Variants in POU6F2 observed in about 807,000 individuals in gnomAD.
POU6F2 encodes POU domain, class 6, transcription factor 2.
A neutral mutation model predicts 71.3 loss-of-function variants in POU6F2; 31 were observed. The observed-to-expected ratio is 0.43, with a 90% CI of 0.33 to 0.59. The LOEUF is 0.59. POU6F2 is among the 20% of genes least tolerant of loss of function. The probability of loss-of-function intolerance (pLI) is 0.04; values close to 1 mark genes in which losing one functional copy is unlikely to be tolerated. For synonymous variants in POU6F2, 347 were observed against 355.7 expected (o/e 0.98, Z 0.27); for missense variants, 783 against 856.8 (o/e 0.91, Z 1.07).
intron 5 of POU6F2, among the ~76,000 whole-genome samples, chr7:39,404,419 A>G (rs1233467453): frequency 6.6e-6 from 1 of 152,254 alleles, no homozygotes; most frequent in Admixed American, 6.5e-5. Context: ...TTTTTGATCA[A>G]CATAGATGTT....
intron 1 of POU6F2, among the ~76,000 whole-genome samples, chr7:39,005,963 T>A (rs943318024): frequency 6.6e-6 from 1 of 152,138 alleles, no homozygotes; most frequent in Non-Finnish European, 1.5e-5. Context: ...CAGGATAATA[T>A]TTAATTGTAG....
At chr7:39,269,872 C>T (rs1246610620) in intron 4 of POU6F2, among the ~76,000 whole-genome samples, 3 of 152,106 alleles carry the variant, frequency 2.0e-5, no homozygotes, top group Admixed American at 2.0e-4. Context: ...GAAGACCATC[C>T]AAGATAAAGT....
At chr7:39,003,759 AAAGAAGGGAGTGATT>A (rs1788981190) in intron 1 of POU6F2, among the ~76,000 whole-genome samples, 1 of 152,078 alleles carries the variant, frequency 6.6e-6, no homozygotes, top group African/African-American at 2.4e-5. Flanking sequence ...AAAAAAAAAA[AAAGAAGGGAGTGATT>A]AAGCATATTA....
rs563696778 is a variant in POU6F2 at position 39,437,555 on chromosome 7, AT to A, written c.1320+4279del. On this transcript the variant is annotated intron_variant, in intron 7 of 9. Transcript: ENST00000518318. ...AGCTAGTGGTCTACCTATTTTGTTA[AT>A]TTTTTTCAAAAAACCAGCTCCTGGA... Among the ~76,000 whole-genome samples, 9 of 151,230 alleles carry A rather than the reference AT, an allele frequency of 6.0e-5. No individual in the cohort carries two copies. The East Asian group carries it at 1.6e-3, about 26-fold the overall frequency.
intron 2 of POU6F2, among the ~76,000 whole-genome samples, chr7:39,144,333 G>A (rs947868470): frequency 3.3e-5 from 5 of 152,092 alleles, no homozygotes; most frequent in African/African-American, 4.8e-5. Flanking sequence ...TTGCATAATT[G>A]GTTCTGAAGA....
chr7:38,987,109 CAGA>C (rs1419456576), intron 1 of POU6F2, among the ~76,000 whole-genome samples: 13 of 152,058 alleles, frequency 8.5e-5, no homozygotes, highest in African/African-American at 3.1e-4. Context: ...TTTGTTTGAG[CAGA>C]AGAACTCATA....
intron 1 of POU6F2, among the ~76,000 whole-genome samples, chr7:38,981,454 G>A (rs1788314065): frequency 6.6e-6 from 1 of 152,176 alleles, no homozygotes; most frequent in Admixed American, 6.5e-5. Flanking sequence ...GAGGGTCCCT[G>A]TTGGCTTCAC....
At chr7:39,308,464 G>T (rs1455636537) in intron 4 of POU6F2, among the ~76,000 whole-genome samples, 2 of 152,186 alleles carry the variant, frequency 1.3e-5, no homozygotes, top group Non-Finnish European at 2.9e-5. Context: ...TGGTAAAAAG[G>T]AGATTGTCAG....
At chr7:39,423,985 A>G (rs1787911314) in intron 6 of POU6F2, among the ~76,000 whole-genome samples, 1 of 152,212 alleles carries the variant, frequency 6.6e-6, no homozygotes, top group African/African-American at 2.4e-5. Flanking sequence ...AAACAACAGA[A>G]ATATATTTTT....
rs1789122661 is a variant in POU6F2 at position 39,468,319 on chromosome 7, A to G, written c.*3633A>G. The G allele has an allele frequency of 2.6e-5, 4 of 152,148 alleles. No individual in the cohort carries two copies. In the South Asian group the frequency reaches 8.3e-4, roughly 32 times the overall value. The allele number at this position is 152,148 out of a possible 1,614,324, so 9.4% of individuals were successfully genotyped here. ...AGCAGGAGGGAGGGCAGGAAACAGG[A>G]CTGGGTTGCTTTGGAAAAATCATCA... is the stretch of plus-strand genomic sequence containing the variant. On this transcript the variant is annotated 3_prime_UTR_variant, in exon 10 of 10. Transcript: ENST00000518318.
chr7:39,220,810 A>C (rs1794335103), intron 4 of POU6F2, among the ~76,000 whole-genome samples: 1 of 152,118 alleles, frequency 6.6e-6, no homozygotes, highest in South Asian at 2.1e-4. Context: ...GATACTTAGT[A>C]AGTGCACAAT....
intron 4 of POU6F2, among the ~76,000 whole-genome samples, chr7:39,233,371 T>TA (rs1794612916): frequency 6.6e-6 from 1 of 152,188 alleles, no homozygotes; most frequent in African/African-American, 2.4e-5. Context: ...CTCAACATTA[T>TA]CACTAGCTGC....
At chr7:39,341,669 C>G (rs1219341097) in intron 5 of POU6F2, among the ~76,000 whole-genome samples, 1 of 152,158 alleles carries the variant, frequency 6.6e-6, no homozygotes, top group East Asian at 1.9e-4. Flanking sequence ...TATTGCCCTT[C>G]CTTGAGGAGT....
chr7:39,434,528 G>GTGA (rs370892748), intron 7 of POU6F2, among the ~76,000 whole-genome samples: 8 of 151,828 alleles, frequency 5.3e-5, no homozygotes, highest in Non-Finnish European at 8.8e-5. Context: ...TGTGATGATA[G>GTGA]TGATGATGAT....
At position 39,433,184 on chromosome 7, in the gene POU6F2, C is replaced by T. The variant is rs149279532; in HGVS notation, c.1221C>T (p.Asn407=). 172 of 1,613,916 alleles carry T rather than the reference C, an allele frequency of 1.1e-4. 1 individual carries two copies. Among genetic ancestry groups the T allele is most frequent in the African/African-American group, 1.0e-3 (78 of 75,024 alleles). Residue 407 remains asparagine, a synonymous_variant, in exon 7 of 10, where the codon AAC becomes AAT. Transcript: ENST00000518318. ...CAATCACCCCCCAGCTCCTCACAAACGCCCAGGGCCAGATCATCGCCACAG... is the reference window on the plus strand; with the variant it reads ...CAATCACCCCCCAGCTCCTCACAAATGCCCAGGGCCAGATCATCGCCACAG... ...VQPITPQLLT[N]AQGQIIATVI...
At chr7:39,145,620 G>T (rs981623215) in intron 2 of POU6F2, among the ~76,000 whole-genome samples, 2 of 152,180 alleles carry the variant, frequency 1.3e-5, no homozygotes, top group African/African-American at 4.8e-5. Flanking sequence ...CCCTTTGACT[G>T]CAGTTAGGTA....
At chr7:39,380,150 A>T (rs1162965234) in intron 5 of POU6F2, among the ~76,000 whole-genome samples, 1 of 152,202 alleles carries the variant, frequency 6.6e-6, no homozygotes, top group Non-Finnish European at 1.5e-5. Flanking sequence ...GGCTCCATTT[A>T]ATTTGAGCTG....
chr7:39,225,970 TG>T (rs199620973), intron 4 of POU6F2, among the ~76,000 whole-genome samples: 66 of 150,222 alleles, frequency 4.4e-4, no homozygotes, highest in Middle Eastern at 3.4e-3. Context: ...AAAAAAAGGT[TG>T]TTTTTTTTTA....
chr7:39,138,140 C>T (rs1260950029), intron 2 of POU6F2, among the ~76,000 whole-genome samples: 1 of 152,144 alleles, frequency 6.6e-6, no homozygotes, highest in African/African-American at 2.4e-5. Flanking sequence ...GAAAAATTAA[C>T]CTTTATAAAC....
Sources: allele counts gnomAD v4.1 joint callset (sites outside exome capture counted in the v4.1 genomes callset), GRCh38; gene constraint gnomAD v4.1.1; transcripts MANE v1.5; gene names NCBI Gene and HGNC (gene_info 2026-07-23, HGNC 2026-07-21).